SMIM36: variants seen among roughly 807,000 people sequenced by gnomAD.
The protein encoded by SMIM36 is small integral membrane protein 36.
intron 3 of SMIM36, chr17:55,468,359 CT>C: frequency 6.5e-6 from 1 of 152,730 alleles, no homozygotes; most frequent in Non-Finnish European, 1.5e-5. Flanking sequence ...TCTTGCTACC[CT>C]TCAATCTCAC....
chr17:55,512,101 C>G (rs1010225139), upstream of SMIM36, among the ~76,000 whole-genome samples: 1 of 152,120 alleles, frequency 6.6e-6, no homozygotes, highest in Non-Finnish European at 1.5e-5. Flanking sequence ...AAGAGGACAG[C>G]GTGTCCCAGT....
intron 1 of SMIM36, among the ~76,000 whole-genome samples, chr17:55,496,410 T>A (rs1018170265): frequency 6.6e-6 from 1 of 151,804 alleles, no homozygotes; most frequent in South Asian, 2.1e-4. Flanking sequence ...AAAAAAAAAA[T>A]ATGCGCAGAC....
intron 3 of SMIM36, among the ~76,000 whole-genome samples, chr17:55,477,770 G>T (rs1206410611): frequency 6.6e-6 from 1 of 151,834 alleles, no homozygotes; most frequent in Non-Finnish European, 1.5e-5. Context: ...TACCTCATAG[G>T]GTTGCTATGA....
At chr17:55,527,810 A>C in the SMIM36 span, 1 of 152,154 alleles carries the variant, frequency 6.6e-6, no homozygotes, top group African/African-American at 2.4e-5. Flanking sequence ...GGGAGAAGAG[A>C]ACTATCAACT....
At chr17:55,475,173 A>G (rs899409943) in intron 3 of SMIM36, among the ~76,000 whole-genome samples, 1 of 151,958 alleles carries the variant, frequency 6.6e-6, no homozygotes, top group Non-Finnish European at 1.5e-5. Context: ...ACTCCTATTC[A>G]CCATTCTCAA....
At chr17:55,485,925 T>C (rs145564488) in intron 1 of SMIM36, among the ~76,000 whole-genome samples, 1 of 152,336 alleles carries the variant, frequency 6.6e-6, no homozygotes, top group East Asian at 1.9e-4. Flanking sequence ...TCTACTACTT[T>C]ATGCTTAATG....
intron 4 of SMIM36, among the ~76,000 whole-genome samples, chr17:55,457,179 G>A (rs1909039065): frequency 6.6e-6 from 1 of 152,098 alleles, no homozygotes; most frequent in African/African-American, 2.4e-5. Context: ...GCCAGTTGTG[G>A]TGGCTCATGC....
At chr17:55,523,280 C>T in the SMIM36 span, among the ~76,000 whole-genome samples, 2 of 152,096 alleles carry the variant, frequency 1.3e-5, no homozygotes, top group African/African-American at 4.8e-5. Flanking sequence ...GCCTGTAATC[C>T]CAGTACTTTG....
At chr17:55,509,345 C>T (rs1380683022) in intron 1 of SMIM36, among the ~76,000 whole-genome samples, 3 of 152,202 alleles carry the variant, frequency 2.0e-5, no homozygotes, top group Non-Finnish European at 4.4e-5. Flanking sequence ...TTCTAAAAGG[C>T]CATCTCCTGT....
intron 1 of SMIM36, among the ~76,000 whole-genome samples, chr17:55,485,649 A>C (rs1481179098): frequency 1.3e-5 from 2 of 152,188 alleles, no homozygotes; most frequent in African/African-American, 4.8e-5. Flanking sequence ...GAACACAACT[A>C]TTTGCCTATT....
At chr17:55,486,966 G>A (rs1046485621) in intron 1 of SMIM36, among the ~76,000 whole-genome samples, 3 of 152,170 alleles carry the variant, frequency 2.0e-5, no homozygotes, top group East Asian at 1.9e-4. Flanking sequence ...TGTGTTGAGC[G>A]CAGACCATGT....
chr17:55,470,851 A>G (rs887016008), intron 3 of SMIM36, among the ~76,000 whole-genome samples: 1 of 152,106 alleles, frequency 6.6e-6, no homozygotes, highest in Admixed American at 6.5e-5. Flanking sequence ...AGCAGGCTTT[A>G]AAAGGGTTAA....
chr17:55,501,322 T>A (rs190803051), intron 1 of SMIM36, among the ~76,000 whole-genome samples: 2 of 67,068 alleles, frequency 3.0e-5, no homozygotes, highest in Admixed American at 2.8e-4. Flanking sequence ...ATATTATATT[T>A]TATAATATAT....
chr17:55,522,167 G>GT, the SMIM36 span, among the ~76,000 whole-genome samples: 1 of 152,124 alleles, frequency 6.6e-6, no homozygotes, highest in East Asian at 1.9e-4. Context: ...CCACTTCGGT[G>GT]TTTTTTGGAC....
At chr17:55,490,311 C>T (rs1021959544) in intron 1 of SMIM36, among the ~76,000 whole-genome samples, 1 of 152,038 alleles carries the variant, frequency 6.6e-6, no homozygotes, top group East Asian at 1.9e-4. Flanking sequence ...CTGAGCAGGG[C>T]GCTTTTCCTG....
At chr17:55,455,717 C>T (rs899053689) in intron 4 of SMIM36, among the ~76,000 whole-genome samples, 6 of 152,042 alleles carry the variant, frequency 3.9e-5, no homozygotes, top group South Asian at 2.1e-4. Flanking sequence ...TGCTTGAATT[C>T]GGGAGGTTCG....
chr17:55,472,055 G>C (rs1909348138), intron 3 of SMIM36, among the ~76,000 whole-genome samples: 2 of 152,040 alleles, frequency 1.3e-5, no homozygotes, highest in Admixed American at 1.3e-4. Flanking sequence ...ATTACCCATG[G>C]GCCTGATTTC....
Position 55,482,536 on chromosome 17 carries a change from C to T in SMIM36, c.*175-2956G>A, listed in dbSNP as rs541267896. On this transcript the variant is annotated intron_variant, in intron 1 of 4. Transcript: ENST00000636752. ...ATTATGGTTTCTTCCTCTTAATAGC[C>T]TATAGTTTGCTTGAGGACAGAATCT... is the stretch of plus-strand genomic sequence containing the variant. Among the ~76,000 whole-genome samples the T allele has an allele frequency of 3.3e-5, 5 of 152,230 alleles. No individual in the cohort carries two copies. In the East Asian group the frequency reaches 9.6e-4, roughly 29 times the overall value.
rs774179974 is a variant in SMIM36 at position 55,494,558 on chromosome 17, C to T, written c.*175-14978G>A. Among the ~76,000 whole-genome samples, 21 of 151,848 alleles carry T rather than the reference C, an allele frequency of 1.4e-4. 1 individual carries two copies. The highest frequency in any genetic ancestry group is 4.1e-4 in the South Asian group (2 of 4,830). On this transcript the variant is annotated intron_variant, in intron 1 of 4. Transcript: ENST00000636752. ...GTGATATGGTGGAGTGGTGCAGAGC[C>T]GGTCTTCAAAGTGAGGGGTACAAGA...
Sources: gnomAD v4.1 joint callset for allele counts (sites outside exome capture counted in the v4.1 genomes callset) on GRCh38, gnomAD v4.1.1 for gene constraint, MANE v1.5 for transcripts, NCBI Gene and HGNC (gene_info 2026-07-23, HGNC 2026-07-21) for gene names.